CSMD2: variants seen among roughly 807,000 people sequenced by gnomAD.
The protein encoded by CSMD2 is CUB and Sushi multiple domains 2, also known as CUB and sushi domain-containing protein 2.
CSMD2 carries 130 observed loss-of-function variants against 398.5 expected under a neutral mutation model. The observed-to-expected ratio is 0.33, with a 90% CI of 0.28 to 0.38. The LOEUF is 0.38. Among genes scored for constraint, CSMD2 ranks in the 10% least tolerant of loss-of-function variants. CSMD2 has a pLI of 1.00. For missense variants in CSMD2, 3,829 were observed against 4,764.9 expected, an observed-to-expected ratio of 0.80 and a Z score of 5.78; for synonymous variants, 1,828 against 1,908.5, an observed-to-expected ratio of 0.96 and a Z score of 1.10.
At position 33,724,315 on chromosome 1, in the gene CSMD2, T is replaced by C; in HGVS notation, c.2885-2A>G. 1 of 1,610,608 alleles carries C rather than the reference T, an allele frequency of 6.2e-7. No homozygotes were observed. The highest frequency in any genetic ancestry group is 8.5e-7 in the Non-Finnish European group (1 of 1,177,052). On this transcript the variant is annotated splice_acceptor_variant, in intron 18 of 70. Transcript: ENST00000373381. LOFTEE classifies it high-confidence loss of function. ...CTTGAATGAAGCCACCACAGAGAGC[T>C]ACAGAAGGAGTGAAGAGGGCAGTGA...
At chr1:33,545,956 G>A (rs780151596) in intron 57 of CSMD2, 81 bp downstream of exon 57, 16 of 1,395,270 alleles carry the variant, frequency 1.1e-5, no homozygotes, top group Non-Finnish European at 1.5e-5. Flanking sequence ...TGTGAGCGCA[G>A]GTGCCTGGGA....
chr1:33,811,996 C>T (rs992377834), intron 9 of CSMD2, among the ~76,000 whole-genome samples: 3 of 152,150 alleles, frequency 2.0e-5, no homozygotes, highest in Non-Finnish European at 4.4e-5. Flanking sequence ...AGCTCCTTGC[C>T]ATGTGTGGAA....
intron 3 of CSMD2, among the ~76,000 whole-genome samples, chr1:33,982,505 T>G (rs894072082): frequency 2.6e-5 from 4 of 152,188 alleles, no homozygotes; most frequent in Admixed American, 6.5e-5. Flanking sequence ...TGAAGCTTCT[T>G]GGACTGGGAG....
At chr1:34,139,357 A>G (rs2148519900) in intron 1 of CSMD2, among the ~76,000 whole-genome samples, 1 of 152,268 alleles carries the variant, frequency 6.6e-6, no homozygotes, top group East Asian at 1.9e-4. Flanking sequence ...GGGACTCTGC[A>G]GAGAGTCCCC....
intron 3 of CSMD2, among the ~76,000 whole-genome samples, chr1:33,995,461 C>T (rs1361557168): frequency 6.6e-6 from 1 of 152,212 alleles, no homozygotes; most frequent in African/African-American, 2.4e-5. Flanking sequence ...TTGGACTCCA[C>T]TTGTTACCAG....
chr1:33,553,788 T>C (rs1426836772), intron 55 of CSMD2, among the ~76,000 whole-genome samples: 1 of 152,164 alleles, frequency 6.6e-6, no homozygotes, highest in Admixed American at 6.5e-5. Context: ...GGAGAAAGTT[T>C]GAGTAAGTCT....
At position 33,743,548 on chromosome 1, in the gene CSMD2, TG is replaced by T. The variant is rs1377485141; in HGVS notation, c.1904del (p.Pro635GlnfsTer104). 6.2e-7 allele frequency: 1 copy of T among 1,613,284 alleles called. No individual in the cohort carries two copies. ...PSGVVLSPNYPEDYGNHLHCV... is the reference protein window; with the variant it reads ...PSGVVLSPNYXEDYGNHLHCV... Reference sequence around the variant, plus strand: ...AGTGGAGGTGGTTGCCATAGTCCTCTGGGTAGTTGGGAGACAGGACAACCCC... The same window carrying T: ...AGTGGAGGTGGTTGCCATAGTCCTCTGGTAGTTGGGAGACAGGACAACCCC... On this transcript the variant is annotated frameshift_variant, in exon 14 of 71. Coordinates refer to ENST00000373381, the MANE Select transcript of CSMD2 (RefSeq NM_001281956.2). LOFTEE classifies it high-confidence loss of function.
chr1:33,856,525 T>C (rs761385414), intron 5 of CSMD2, among the ~76,000 whole-genome samples: 5 of 152,116 alleles, frequency 3.3e-5, no homozygotes, highest in Non-Finnish European at 7.4e-5. Flanking sequence ...CCGCTGCTTG[T>C]AATTAGTACT....
rs1443560368 is a variant in CSMD2 at position 33,790,697 on chromosome 1, ATCTATCATCTATCTG to A, written c.1550+1711_1550+1725del. Among the ~76,000 whole-genome samples, 357 of 130,582 alleles carry A rather than the reference ATCTATCATCTATCTG, an allele frequency of 2.7e-3. 1 individual carries two copies. Among genetic ancestry groups the A allele is most frequent in the African/African-American group, 0.011 (335 of 30,296 alleles). 85.7% of individuals were successfully genotyped at this position (130,582 alleles called of 152,430 possible). Reference sequence around the variant, plus strand: ...TATCTATCTATCTATCTATCTATCTATCTATCATCTATCTGTCTATCATCTATCAATCATCTATCA... The same window carrying A: ...TATCTATCTATCTATCTATCTATCTATCTATCATCTATCAATCATCTATCA... On this transcript the variant is annotated intron_variant, in intron 11 of 70. Coordinates refer to ENST00000373381, the MANE Select transcript of CSMD2 (RefSeq NM_001281956.2).
chr1:33,678,736 T>C (rs1644803955), intron 25 of CSMD2, among the ~76,000 whole-genome samples: 1 of 152,130 alleles, frequency 6.6e-6, no homozygotes, highest in Admixed American at 6.6e-5. Flanking sequence ...TAATTAAGTA[T>C]CACGCTATCC....
rs1441783388 is a variant in CSMD2 at position 33,571,556 on chromosome 1, C to T, written c.7933G>A (p.Gly2645Arg). ...CTTCGGCAGGTGGGCGTAGAGTCCCCGAGGCTCCATTTGCCATTGGCCTGA... is the reference window on the plus strand; with the variant it reads ...CTTCGGCAGGTGGGCGTAGAGTCCCTGAGGCTCCATTTGCCATTGGCCTGA... ...RCQANGKWSLGDSTPTCRIIS... is the reference protein window; with the variant it reads ...RCQANGKWSLRDSTPTCRIIS... Residue 2645 changes from glycine (G) to arginine (R), a missense_variant, in exon 51 of 71, where the codon GGG becomes AGG. By Grantham distance (125) the Gly-to-Arg change is moderately radical. Transcript: ENST00000373381. 8 of 1,518,740 alleles carry T rather than the reference C, an allele frequency of 5.3e-6. No homozygotes were observed. Among genetic ancestry groups the T allele is most frequent in the African/African-American group, 1.4e-5 (1 of 73,306 alleles). The allele number at this position is 1,518,740 out of a possible 1,614,324, so 94.1% of individuals were successfully genotyped here.
chr1:33,808,935 C>G (rs1656539120), intron 10 of CSMD2, among the ~76,000 whole-genome samples: 1 of 150,516 alleles, frequency 6.6e-6, no homozygotes, highest in South Asian at 2.1e-4. Flanking sequence ...GTATGTATAA[C>G]TTTATATCCA....
At chr1:34,113,411 G>A (rs930789754) in intron 1 of CSMD2, among the ~76,000 whole-genome samples, 14 of 152,236 alleles carry the variant, frequency 9.2e-5, no homozygotes, top group African/African-American at 3.1e-4. Context: ...AGGAGCACAT[G>A]TTCATCCATA....
chr1:34,017,081 A>G, intron 3 of CSMD2, among the ~76,000 whole-genome samples: 1 of 152,212 alleles, frequency 6.6e-6, no homozygotes, highest in Admixed American at 6.5e-5. Flanking sequence ...TCCAGTATAT[A>G]TGCCAGTTTG....
chr1:33,945,760 G>A (rs1453141771), intron 3 of CSMD2, among the ~76,000 whole-genome samples: 1 of 152,086 alleles, frequency 6.6e-6, no homozygotes, highest in Non-Finnish European at 1.5e-5. Context: ...TTCATCCTGC[G>A]GCCTATGTGA....
At chr1:33,876,792 G>T (rs969122972) in intron 5 of CSMD2, among the ~76,000 whole-genome samples, 1 of 152,106 alleles carries the variant, frequency 6.6e-6, no homozygotes, top group Non-Finnish European at 1.5e-5. Flanking sequence ...TATTCTGATG[G>T]TGATTTAATG....
intron 1 of CSMD2, among the ~76,000 whole-genome samples, chr1:34,101,103 T>C (rs894352464): frequency 6.6e-6 from 1 of 152,264 alleles, no homozygotes; most frequent in Admixed American, 6.5e-5. Flanking sequence ...TGTCCTTTCA[T>C]GCCCATGAAA....
chr1:33,949,588 G>A (rs986695323), intron 3 of CSMD2, among the ~76,000 whole-genome samples: 9 of 152,208 alleles, frequency 5.9e-5, no homozygotes, highest in East Asian at 5.8e-4. Context: ...TCTGATCCTC[G>A]CCTCAGCTGC....
chr1:34,012,157 C>T (rs919035893), intron 3 of CSMD2, among the ~76,000 whole-genome samples: 1 of 152,118 alleles, frequency 6.6e-6, no homozygotes, highest in African/African-American at 2.4e-5. Flanking sequence ...ATGCCTCTCT[C>T]CCCACCCATC....
Sources: gnomAD v4.1 joint callset for allele counts (sites outside exome capture counted in the v4.1 genomes callset) on GRCh38, gnomAD v4.1.1 for gene constraint, MANE v1.5 for transcripts, NCBI Gene and HGNC (gene_info 2026-07-23, HGNC 2026-07-21) for gene names.